SYNPO: variants seen among roughly 807,000 people sequenced by gnomAD.
SYNPO encodes the protein synaptopodin.
Under a neutral mutation model 49.5 loss-of-function variants are expected in SYNPO, and 19 were observed. That is an observed-to-expected ratio of 0.38 (90% CI 0.27 to 0.56). The LOEUF (loss-of-function observed/expected upper bound fraction) is 0.56, where lower values mean the gene tolerates loss of function less well. Ranked by LOEUF, SYNPO falls within the 20% of genes least tolerant of loss-of-function variation. The pLI, the probability that SYNPO is intolerant of heterozygous loss-of-function variation, is 0.68. For missense variants in SYNPO, 1,131 were observed against 1,248.3 expected (o/e 0.91, Z 1.42); for synonymous variants, 536 against 548.0 (o/e 0.98, Z 0.31).
At chr5:150,641,881 T>G (rs2151405726) in intron 1 of SYNPO, among the ~76,000 whole-genome samples, 1 of 152,354 alleles carries the variant, frequency 6.6e-6, no homozygotes, top group South Asian at 2.1e-4. Flanking sequence ...AGCAGAGGGC[T>G]TTGCAGACCA....
chr5:150,626,079 G>C (rs893435123), intron 2 of SYNPO, among the ~76,000 whole-genome samples: 2 of 152,188 alleles, frequency 1.3e-5, no homozygotes, highest in Non-Finnish European at 2.9e-5. Flanking sequence ...AGTGAAACTG[G>C]ATGCTGATGG....
Position 150,657,080 on chromosome 5 carries a change from C to G in SYNPO, c.2705C>G (p.Thr902Ser), listed in dbSNP as rs1473582657. 1 of 1,583,232 alleles carries G rather than the reference C, an allele frequency of 6.3e-7. No individual in the cohort carries two copies. The highest frequency in any genetic ancestry group is 1.3e-5 in the African/African-American group (1 of 74,484). ...AGCCTCCCCGCCGAGGCCTCCTGCACCACCTAGAGCCCCACCCCCGACCCC... is the reference window on the plus strand; with the variant it reads ...AGCCTCCCCGCCGAGGCCTCCTGCAGCACCTAGAGCCCCACCCCCGACCCC... ...RGSLPAEASC[T>S]T The change falls in exon 3 of 3, where the codon ACC becomes AGC. Residue 902 changes from threonine to serine, a missense_variant. Physicochemically the swap from Thr to Ser is moderately conservative, Grantham distance 58. This residue lies in a region of SYNPO where 509 missense variants were observed against 484.5 expected (regional missense o/e 1.05). Coordinates refer to ENST00000307662, the MANE Select transcript of SYNPO (RefSeq NM_007286.6).
the SYNPO span, among the ~76,000 whole-genome samples, chr5:150,589,703 C>CT: frequency 1.3e-5 from 2 of 152,192 alleles, no homozygotes; most frequent in African/African-American, 4.8e-5. Flanking sequence ...TCAGTTGCTG[C>CT]TAATGCATTT....
the SYNPO span, among the ~76,000 whole-genome samples, chr5:150,589,831 G>A: frequency 1.3e-5 from 2 of 152,228 alleles, no homozygotes; most frequent in Non-Finnish European, 2.9e-5. Flanking sequence ...CCCTTTCAAA[G>A]CCCCCAGCTC....
intron 1 of SYNPO, among the ~76,000 whole-genome samples, chr5:150,603,565 A>G (rs997975486): frequency 6.6e-6 from 1 of 152,260 alleles, no homozygotes; most frequent in East Asian, 1.9e-4. Context: ...TCTTTAGGGT[A>G]GCCTGACCCT....
Position 150,656,742 on chromosome 5 carries a change from A to C in SYNPO, c.2367A>C (p.Pro789=), listed in dbSNP as rs554668244. The C allele has an allele frequency of 0.013, 13,828 of 1,094,774 alleles. 773 individuals carry two copies. The African/African-American group carries it at 0.17, about 14-fold the overall frequency. The allele number at this position is 1,094,774 out of a possible 1,614,324, so 67.8% of individuals were successfully genotyped here. A position where few individuals can be genotyped will look rare whatever the true frequency, so the allele number is the denominator to read the frequency against. ...GGCCCTTCTCCCCGCCGAGGGCGCC[A>C]CCGCCCCCGCCCCCGCCCCCGCCCC... The part of the protein sequence containing the change: ...NPRPFSPPRA[P]PPPPPPPPPP... The change falls in exon 3 of 3, where the codon CCA becomes CCC. Residue 789 remains proline, a synonymous_variant. Coordinates refer to ENST00000307662, the MANE Select transcript of SYNPO (RefSeq NM_007286.6).
chr5:150,624,986 G>A lies in SYNPO; in HGVS notation c.400+6219G>A, dbSNP rs533994216. On this transcript the variant is annotated intron_variant, in intron 2 of 2. Coordinates refer to the SYNPO transcript ENST00000394243. ...CCTTCCCACCTGCGCTATTCCCGGC[G>A]CCGCCCAGGAGGAGGTGGCACATCT... is the stretch of plus-strand genomic sequence containing the variant. 5.1e-6 allele frequency: 5 copies of A among 985,148 alleles called. No homozygotes were observed. In the East Asian group the frequency reaches 5.7e-4, roughly 112 times the overall value. The allele number at this position is 985,148 out of a possible 1,614,324, so 61.0% of individuals were successfully genotyped here. A position where few individuals can be genotyped will look rare whatever the true frequency, so the allele number is the denominator to read the frequency against.
intron 2 of SYNPO, among the ~76,000 whole-genome samples, chr5:150,620,933 C>T (rs1581468556): frequency 1.6e-5 from 2 of 124,916 alleles, no homozygotes; most frequent in African/African-American, 3.4e-5. Flanking sequence ...TTCTTTCTTT[C>T]TTTCTTTCTT....
intron 2 of SYNPO, chr5:150,624,741 A>AGGCGGT (rs1469674520): frequency 3.0e-5 from 20 of 675,028 alleles, no homozygotes; most frequent in Middle Eastern, 7.4e-4. Context: ...GCAGCCCGCT[A>AGGCGGT]GGCGGTGGCG....
At chr5:150,647,835 A>G in intron 1 of SYNPO, 109 bp from the exon 2 acceptor site, 1 of 973,110 alleles carries the variant, frequency 1.0e-6, no homozygotes, top group Non-Finnish European at 1.5e-6. Flanking sequence ...TCCAGAAGAG[A>G]TCCTGTGTAG....
intron 1 of SYNPO, among the ~76,000 whole-genome samples, chr5:150,644,605 C>T (rs1180671281): frequency 6.6e-6 from 1 of 152,186 alleles, no homozygotes; most frequent in Non-Finnish European, 1.5e-5. Flanking sequence ...TGTGGCCTCC[C>T]AACACTCATG....
At position 150,650,066 on chromosome 5, in the gene SYNPO, C is replaced by G; in HGVS notation, c.1791C>G (p.Asp597Glu). Residue 597 changes from aspartate to glutamate, a missense_variant, in exon 2 of 3, where the codon GAC becomes GAG. Coordinates refer to ENST00000307662, the MANE Select transcript of SYNPO (RefSeq NM_007286.6). ...CGCCCGCCAAGCCCAGCTCCTTGGA[C>G]CTGGTGCCCAACCTGCCCAAGGGGG... ...AASPAKPSSL[D>E]LVPNLPKGAL... The G allele has an allele frequency of 1.2e-6, 2 of 1,613,390 alleles. No homozygotes were observed. The highest frequency in any genetic ancestry group is 1.3e-5 in the African/African-American group (1 of 75,070).
chr5:150,644,733 G>T (rs960140978), intron 1 of SYNPO, among the ~76,000 whole-genome samples: 1 of 152,246 alleles, frequency 6.6e-6, no homozygotes, highest in African/African-American at 2.4e-5. Context: ...GAGCAGGGGA[G>T]ACAGACACAG....
chr5:150,636,546 T>A (rs1757720875), upstream of SYNPO, among the ~76,000 whole-genome samples: 1 of 152,204 alleles, frequency 6.6e-6, no homozygotes, highest in Non-Finnish European at 1.5e-5. Context: ...TCTTCTTTTC[T>A]TTTATAATTT....
chr5:150,626,455 C>T (rs371534068), intron 2 of SYNPO, among the ~76,000 whole-genome samples: 17 of 152,306 alleles, frequency 1.1e-4, no homozygotes, highest in African/African-American at 3.8e-4. Flanking sequence ...TGTTGTTTAC[C>T]ACTCTGGCTT....
At chr5:150,621,461 T>C (rs1757171206) in intron 2 of SYNPO, among the ~76,000 whole-genome samples, 1 of 152,032 alleles carries the variant, frequency 6.6e-6, no homozygotes, top group South Asian at 2.1e-4. Context: ...TCTGCTCCCT[T>C]GGGAAAGGGA....
upstream of SYNPO, among the ~76,000 whole-genome samples, chr5:150,598,366 G>A (rs891364992): frequency 6.6e-6 from 1 of 152,228 alleles, no homozygotes; most frequent in Non-Finnish European, 1.5e-5. Context: ...GCCAGTCTGT[G>A]CTGCCGTGAA....
chr5:150,651,231 G>A (rs1758371296), intron 2 of SYNPO: 2 of 1,004,240 alleles, frequency 2.0e-6, no homozygotes, highest in Non-Finnish European at 2.4e-6. Context: ...AGATCTGCCT[G>A]ACTAAAAGAA....
upstream of SYNPO, among the ~76,000 whole-genome samples, chr5:150,639,302 T>C (rs1178202211): frequency 1.3e-5 from 2 of 152,238 alleles, no homozygotes; most frequent in East Asian, 3.8e-4. Flanking sequence ...ACCAGAAGTT[T>C]GGCCAGGCCC....
Sources: allele counts gnomAD v4.1 joint callset (sites outside exome capture counted in the v4.1 genomes callset), GRCh38; gene constraint gnomAD v4.1.1; regional missense constraint gnomAD v4.1.1; transcripts MANE v1.5; gene names NCBI Gene and HGNC (gene_info 2026-07-23, HGNC 2026-07-21).